YAP1: variants seen among roughly 807,000 people sequenced by gnomAD.
YAP1 encodes the protein Yes1 associated transcriptional regulator, also known as transcriptional coactivator YAP1.
Under a neutral mutation model 56.9 loss-of-function variants are expected in YAP1, and 5 were observed. The observed-to-expected ratio is 0.09, with a 90% CI of 0.05 to 0.18. The LOEUF (loss-of-function observed/expected upper bound fraction) is 0.18, where lower values mean the gene tolerates loss of function less well. Among genes scored for constraint, YAP1 ranks in the 10% least tolerant of loss-of-function variants. YAP1 has a pLI of 1.00. For missense variants in YAP1, 539 were observed against 651.8 expected, an observed-to-expected ratio of 0.83 and a Z score of 1.88; for synonymous variants, 265 against 248.1, an observed-to-expected ratio of 1.07 and a Z score of -0.64.
chr11:102,144,976 A>G (rs1281025261), intron 2 of YAP1, among the ~76,000 whole-genome samples: 1 of 151,924 alleles, frequency 6.6e-6, no homozygotes, highest in African/African-American at 2.4e-5. Flanking sequence ...CTGAGCACAG[A>G]GTCTTTTGTT....
At chr11:102,135,626 C>T in intron 2 of YAP1, among the ~76,000 whole-genome samples, 1 of 152,192 alleles carries the variant, frequency 6.6e-6, no homozygotes, top group Non-Finnish European at 1.5e-5. Context: ...TTTCAAGCTT[C>T]TTCAAATCTA....
At chr11:102,159,506 T>A (rs1032734891) in intron 2 of YAP1, among the ~76,000 whole-genome samples, 6 of 152,246 alleles carry the variant, frequency 3.9e-5, no homozygotes, top group Non-Finnish European at 8.8e-5. Flanking sequence ...AGACCTGTCA[T>A]CTTCACTTAA....
intron 3 of YAP1, among the ~76,000 whole-genome samples, chr11:102,176,591 C>G (rs982304231): frequency 1.3e-5 from 2 of 151,160 alleles, no homozygotes; most frequent in African/African-American, 4.9e-5. Flanking sequence ...CTAAAAATAA[C>G]AAAAGTTAGC....
rs936990837 is a variant in YAP1, at chr11:102,165,715, T to C, written c.688+3144T>C. Among the ~76,000 whole-genome samples the C allele has an allele frequency of 3.9e-5, 6 of 152,360 alleles. No homozygotes were observed. In the East Asian group the frequency reaches 1.2e-3, roughly 29 times the overall value. ...CCAGGCATTCAGTGAAGGTCCATTT[T>C]GCACTGTCTCATTTAAGATCCCATG... On this transcript the variant is annotated intron_variant, in intron 3 of 8. Coordinates refer to ENST00000282441, the MANE Select transcript of YAP1 (RefSeq NM_001130145.3).
At chr11:102,204,483 C>G (rs540918509) in intron 4 of YAP1, among the ~76,000 whole-genome samples, 1 of 152,072 alleles carries the variant, frequency 6.6e-6, no homozygotes, top group South Asian at 2.1e-4. Context: ...TAGAATCAGG[C>G]AATAAATGTC....
chr11:102,124,250 G>A (rs969279265), intron 2 of YAP1, among the ~76,000 whole-genome samples: 4 of 152,010 alleles, frequency 2.6e-5, no homozygotes, highest in Non-Finnish European at 5.9e-5. Context: ...GCTGCGCCCG[G>A]CACTCCATTT....
intron 3 of YAP1, among the ~76,000 whole-genome samples, chr11:102,171,001 A>G (rs868351446): frequency 1.9e-4 from 29 of 152,052 alleles, no homozygotes; most frequent in Middle Eastern, 3.4e-3. Flanking sequence ...ATTTAGATCC[A>G]TGAGTATCAT....
At position 102,194,368 on chromosome 11, in the gene YAP1, TC is replaced by T. The variant is rs368882278; in HGVS notation, c.802+8238del. On this transcript the variant is annotated intron_variant, in intron 4 of 8. Coordinates refer to ENST00000282441, the MANE Select transcript of YAP1 (RefSeq NM_001130145.3). Reference sequence around the variant, plus strand: ...TTGTTTTGTTTTATACTCATTTTGTTCTGCTACCCTAGTTGCTAAGGTCATT... The same window carrying T: ...TTGTTTTGTTTTATACTCATTTTGTTTGCTACCCTAGTTGCTAAGGTCATT... 3.3e-4 allele frequency among the ~76,000 whole-genome samples: 50 copies of T among 152,334 alleles called. 1 individual carries two copies. The South Asian group carries it at 0.01, about 31-fold the overall frequency.
intron 2 of YAP1, among the ~76,000 whole-genome samples, chr11:102,119,174 G>C (rs139408132): frequency 6.6e-6 from 1 of 151,876 alleles, no homozygotes; most frequent in Admixed American, 6.6e-5. Context: ...CAGTGGGTGG[G>C]CATCCCAGGG....
intron 2 of YAP1, among the ~76,000 whole-genome samples, chr11:102,161,249 A>G (rs1030352827): frequency 8.0e-5 from 12 of 150,656 alleles, no homozygotes; most frequent in Non-Finnish European, 4.4e-5. Flanking sequence ...TTTTTAGTAG[A>G]GATGGGGTTT....
At chr11:102,112,394 C>CTCTCTTT in intron 1 of YAP1, 1 of 968,288 alleles carries the variant, frequency 1.0e-6, no homozygotes, top group South Asian at 4.9e-5. Flanking sequence ...GTGTAGGGTT[C>CTCTCTTT]TCTCTTTTTC....
intron 5 of YAP1, 49 bp from the exon 6 acceptor site, chr11:102,209,468 G>T: frequency 1.3e-6 from 2 of 1,541,934 alleles, no homozygotes; most frequent in South Asian, 1.1e-5. Context: ...TACACAGCCA[G>T]ACCATGTGGC....
intron 2 of YAP1, among the ~76,000 whole-genome samples, chr11:102,132,032 C>T (rs1372203020): frequency 6.6e-6 from 1 of 151,962 alleles, no homozygotes; most frequent in African/African-American, 2.4e-5. Flanking sequence ...GCAGGAGAAT[C>T]GCTTGAATTT....
At chr11:102,150,802 G>GTTTTTTTTTTT (rs370378973) in intron 2 of YAP1, among the ~76,000 whole-genome samples, 36 of 108,060 alleles carry the variant, frequency 3.3e-4, no homozygotes, top group East Asian at 8.7e-4. Context: ...CATACAAATG[G>GTTTTTTTTTTT]TTTTTTTTTT....
At chr11:102,211,552 G>A (rs1266064627) in intron 6 of YAP1, among the ~76,000 whole-genome samples, 1 of 152,168 alleles carries the variant, frequency 6.6e-6, no homozygotes, top group Non-Finnish European at 1.5e-5. Flanking sequence ...GTAAATGTAT[G>A]AAATTCAAGT....
At chr11:102,209,239 G>A (rs1949273822) in intron 5 of YAP1, among the ~76,000 whole-genome samples, 1 of 152,118 alleles carries the variant, frequency 6.6e-6, no homozygotes, top group African/African-American at 2.4e-5. Context: ...CTAATACTCA[G>A]AAACAAAGAA....
At chr11:102,144,825 A>G (rs142935422) in intron 2 of YAP1, among the ~76,000 whole-genome samples, 10 of 151,828 alleles carry the variant, frequency 6.6e-5, no homozygotes, top group Non-Finnish European at 5.9e-5. Context: ...TAGTTATGCA[A>G]TATAATTCAT....
At chr11:102,150,258 A>G (rs1302258047) in intron 2 of YAP1, among the ~76,000 whole-genome samples, 3 of 152,090 alleles carry the variant, frequency 2.0e-5, no homozygotes, top group African/African-American at 7.2e-5. Context: ...TGCTGGGATT[A>G]CAGGTGTGAG....
intron 7 of YAP1, among the ~76,000 whole-genome samples, chr11:102,225,127 C>T (rs1381626449): frequency 6.6e-6 from 1 of 151,958 alleles, no homozygotes; most frequent in African/African-American, 2.4e-5. Flanking sequence ...GCATTCTCTG[C>T]AGTACCCCCA....
Sources: allele counts gnomAD v4.1 joint callset (sites outside exome capture counted in the v4.1 genomes callset), GRCh38; gene constraint gnomAD v4.1.1; transcripts MANE v1.5; gene names NCBI Gene and HGNC (gene_info 2026-07-23, HGNC 2026-07-21).